KCNC4: variants seen among roughly 807,000 people sequenced by gnomAD.
The protein encoded by KCNC4 is potassium voltage-gated channel subfamily C member 4.
A neutral mutation model predicts 42.8 loss-of-function variants in KCNC4; 23 were observed. That is an observed-to-expected ratio of 0.54 (90% confidence interval 0.39 to 0.76). KCNC4 has a LOEUF of 0.76. Among genes scored for constraint, KCNC4 ranks in the 30% least tolerant of loss-of-function variants. The pLI, the probability that KCNC4 is intolerant of heterozygous loss-of-function variation, is 0.00. For synonymous variants in KCNC4, 422 were observed against 393.5 expected (o/e 1.07, Z -0.86); for missense variants, 751 against 898.2 (o/e 0.84, Z 2.10).
chr1:110,226,451 T>G, intron 3 of KCNC4: 2 of 490,272 alleles, frequency 4.1e-6, no homozygotes, highest in Admixed American at 3.3e-5. Context: ...CCAGGGTCCC[T>G]GCCCCGTGCT....
chr1:110,236,106 G>T (rs979123862), downstream of KCNC4: 1 of 152,202 alleles, frequency 6.6e-6, no homozygotes, highest in Non-Finnish European at 1.5e-5. Flanking sequence ...ACTTTTCAGT[G>T]AATCAGCCTC....
intron 1 of KCNC4, among the ~76,000 whole-genome samples, chr1:110,269,517 T>A (rs1021193865): frequency 6.6e-6 from 1 of 152,236 alleles, no homozygotes; most frequent in Non-Finnish European, 1.5e-5. Flanking sequence ...TATTCTGAAG[T>A]ATGGATGTAC....
intron 1 of KCNC4, among the ~76,000 whole-genome samples, chr1:110,277,784 T>C (rs1473793162): frequency 6.6e-6 from 1 of 152,196 alleles, no homozygotes; most frequent in African/African-American, 2.4e-5. Flanking sequence ...AGTTGTATGA[T>C]CTCACTAGGT....
chr1:110,279,616 T>C (rs1168752938), intron 1 of KCNC4, among the ~76,000 whole-genome samples: 1 of 152,106 alleles, frequency 6.6e-6, no homozygotes, highest in African/African-American at 2.4e-5. Flanking sequence ...AAAGATGATA[T>C]AGTGAGCTCT....
At chr1:110,258,934 G>C (rs939649176) in intron 1 of KCNC4, among the ~76,000 whole-genome samples, 1 of 152,214 alleles carries the variant, frequency 6.6e-6, no homozygotes, top group South Asian at 2.1e-4. Flanking sequence ...TCTTCTCCAC[G>C]CTGAAATCCA....
Position 110,211,248 on chromosome 1 carries a change from C to A in KCNC4, c.-252C>A. ...GTGCTTGCTTCTACTTCCCCGGGTC[C>A]TCCCTCTCTGCGCCTCCCTCTCTCC... On this transcript the variant is annotated 5_prime_UTR_variant, in exon 1 of 4. Coordinates refer to ENST00000438661, the MANE Select transcript of KCNC4 (RefSeq NM_001039574.3). This position sits in a 1 kb window ranked among gnomAD's most constrained non-coding sequence, Gnocchi z 6.5. 1.8e-6 allele frequency: 1 copy of A among 542,520 alleles called. No individual in the cohort carries two copies. The highest frequency in any genetic ancestry group is 3.3e-6 in the Non-Finnish European group (1 of 307,306). The allele number at this position is 542,520 out of a possible 1,614,324, so 33.6% of individuals were successfully genotyped here. A position where few individuals can be genotyped will look rare whatever the true frequency, so the allele number is the denominator to read the frequency against.
At chr1:110,247,044 C>T (rs1284184364) in exon 4 of KCNC4, 1 of 152,006 alleles carries the variant, frequency 6.6e-6, no homozygotes, top group Admixed American at 6.6e-5. Flanking sequence ...CGTATTTCAC[C>T]TCTTGTTCCG....
intron 3 of KCNC4, chr1:110,232,272 G>A (rs1393842700): frequency 1.1e-5 from 17 of 1,613,956 alleles, no homozygotes; most frequent in Non-Finnish European, 1.4e-5. Context: ...GAGGCTGCAT[G>A]CCCTCCAACT....
intron 1 of KCNC4, among the ~76,000 whole-genome samples, chr1:110,215,236 G>T (rs948992904): frequency 6.6e-6 from 1 of 152,228 alleles, no homozygotes; most frequent in Non-Finnish European, 1.5e-5. Flanking sequence ...GCTCAGGCAG[G>T]CTCCTGGACT....
chr1:110,241,978 C>T (rs892632190), exon 4 of KCNC4: 7 of 152,216 alleles, frequency 4.6e-5, no homozygotes, highest in African/African-American at 1.7e-4. Context: ...AATGAATTAG[C>T]TGCCCTCTGC....
At chr1:110,237,798 A>T (rs1488558833), downstream of KCNC4, 1 of 152,230 alleles carries the variant, frequency 6.6e-6, no homozygotes, top group East Asian at 1.9e-4. Flanking sequence ...GCAGAGAGAC[A>T]TCTGTGTCTC....
At chr1:110,232,537 C>T in intron 3 of KCNC4, 1 of 1,435,178 alleles carries the variant, frequency 7.0e-7, no homozygotes, top group Non-Finnish European at 9.1e-7. Flanking sequence ...TTCTCCACTG[C>T]ACTGGAGCTT....
chr1:110,223,911 G>A lies in KCNC4; in HGVS notation c.1615+11G>A, dbSNP rs1390544696. The A allele has an allele frequency of 6.4e-7, 1 of 1,567,226 alleles. No individual in the cohort carries two copies. Among genetic ancestry groups the A allele is most frequent in the African/African-American group, 1.4e-5 (1 of 73,612 alleles). On this transcript the variant is annotated intron_variant, in intron 2 of 3. Transcript: ENST00000438661. This position sits in a 1 kb window ranked among gnomAD's most constrained non-coding sequence, Gnocchi z 7.5. ...AGAGGAAACGGGCAGGTGAGATTAG[G>A]GGTTGGGAAGGAAAATCCCTTTTCC...
intron 1 of KCNC4, among the ~76,000 whole-genome samples, chr1:110,216,502 C>T (rs1272342954): frequency 3.9e-5 from 6 of 152,238 alleles, no homozygotes; most frequent in Non-Finnish European, 8.8e-5. Flanking sequence ...CAACATTTGT[C>T]TCTGAACATC....
chr1:110,232,598 G>T (rs1658751946), intron 3 of KCNC4: 3 of 1,439,006 alleles, frequency 2.1e-6, no homozygotes, highest in Non-Finnish European at 2.7e-6. Context: ...ACCTGAACAG[G>T]TATGGCGATG....
downstream of KCNC4, chr1:110,237,002 C>T (rs371579052): frequency 2.0e-5 from 3 of 151,782 alleles, no homozygotes; most frequent in Non-Finnish European, 4.4e-5. Context: ...TCTGTTGTTT[C>T]CCTTGCTATT....
Position 110,223,010 on chromosome 1 carries a change from C to A in KCNC4, c.725C>A (p.Thr242Asn), listed in dbSNP as rs761817000. 6.2e-6 allele frequency: 10 copies of A among 1,614,080 alleles called. No homozygotes were observed. Among genetic ancestry groups the A allele is most frequent in the Non-Finnish European group, 8.5e-7 (1 of 1,180,032 alleles). The change falls in exon 2 of 4, where the codon ACT (threonine) becomes AAT (asparagine). Residue 242 changes from threonine to asparagine, a missense_variant. This residue lies in a region of KCNC4 where 181 missense variants were observed against 167.3 expected (regional missense o/e 1.08). Coordinates refer to ENST00000438661, the MANE Select transcript of KCNC4 (RefSeq NM_001039574.3). The surrounding 1 kb of genome is among the most constrained non-coding windows in gnomAD (Gnocchi z 7.5). The part of the protein sequence containing the change: ...SLFFILVSIT[T>N]FCLETHEAFN... ...TTCTTCATCCTGGTCTCCATCACCACTTTCTGCCTGGAGACCCATGAGGCC... is the reference window on the plus strand; with the variant it reads ...TTCTTCATCCTGGTCTCCATCACCAATTTCTGCCTGGAGACCCATGAGGCC...
intron 1 of KCNC4, among the ~76,000 whole-genome samples, chr1:110,267,094 C>G (rs527717779): frequency 1.3e-5 from 2 of 152,304 alleles, no homozygotes; most frequent in East Asian, 3.9e-4. Flanking sequence ...TGCTATTCAT[C>G]ACTTGTTTGG....
intron 1 of KCNC4, among the ~76,000 whole-genome samples, chr1:110,267,679 T>C (rs1157040236): frequency 1.3e-5 from 2 of 152,218 alleles, no homozygotes; most frequent in African/African-American, 4.8e-5. Flanking sequence ...CCCCACTTCC[T>C]ATGTATCTCA....
Sources: gnomAD v4.1 joint callset for allele counts (sites outside exome capture counted in the v4.1 genomes callset) on GRCh38, gnomAD v4.1.1 for gene constraint, gnomAD v4.1.1 regional missense constraint, Gnocchi (gnomAD v3.1) non-coding constraint, MANE v1.5 for transcripts, NCBI Gene and HGNC (gene_info 2026-07-23, HGNC 2026-07-21) for gene names.